The following DPY19L3 variants were observed in gnomAD, a reference collection of about 807,000 sequenced individuals.
DPY19L3 encodes the protein protein C-mannosyl-transferase DPY19L3.
A neutral mutation model predicts 92.3 loss-of-function variants in DPY19L3; 51 were observed. The observed-to-expected ratio is 0.55, with a 90% CI of 0.44 to 0.70. The LOEUF (loss-of-function observed/expected upper bound fraction) is 0.70, where lower values mean the gene tolerates loss of function less well. Ranked by LOEUF, DPY19L3 falls within the 30% of genes least tolerant of loss-of-function variation. DPY19L3 has a pLI of 0.00. For synonymous variants in DPY19L3, 309 were observed against 315.2 expected (o/e 0.98, Z 0.21); for missense variants, 706 against 855.9 (o/e 0.82, Z 2.18).
At chr19:32,439,077 T>G (rs371955608) in intron 6 of DPY19L3, 35 bp from the exon 7 acceptor site, 2 of 1,578,388 alleles carry the variant, frequency 1.3e-6, no homozygotes, top group Admixed American at 3.7e-5. Context: ...TTGTAAAAAC[T>G]ATCACTTTGG....
chr19:32,442,868 A>G (rs1455444902), intron 8 of DPY19L3, among the ~76,000 whole-genome samples: 3 of 152,194 alleles, frequency 2.0e-5, no homozygotes, highest in African/African-American at 7.2e-5. Context: ...GTCACTAGGC[A>G]TGCCTTGCTT....
rs2145395115 is a variant in DPY19L3 at position 32,411,276 on chromosome 19, G to A, written c.141G>A (p.Leu47=). The A allele has an allele frequency of 6.2e-7, 1 of 1,612,934 alleles. No homozygotes were observed. Among genetic ancestry groups the A allele is most frequent in the Non-Finnish European group, 8.5e-7 (1 of 1,179,942 alleles). ...TSRRLWKILS[L]TIGGTIALCI... is the part of the protein sequence containing the mutation. ...GAAGATTATGGAAGATTTTGTCATT[G>A]ACAATTGGTGGAACCATTGCCCTTT... Residue 47 remains leucine (L), a synonymous_variant, in exon 3 of 19, where the codon TTG becomes TTA. Coordinates refer to ENST00000392250, the MANE Select transcript of DPY19L3 (RefSeq NM_001172774.2).
intron 1 of DPY19L3, chr19:32,406,310 G>A (rs997685553): frequency 1.3e-5 from 2 of 152,350 alleles, no homozygotes; most frequent in Non-Finnish European, 2.9e-5. Context: ...TAGGTAAGCG[G>A]ACCCGGTGCC....
At chr19:32,475,082 A>G (rs1970466155) in intron 16 of DPY19L3, among the ~76,000 whole-genome samples, 1 of 152,190 alleles carries the variant, frequency 6.6e-6, no homozygotes, top group Non-Finnish European at 1.5e-5. Flanking sequence ...GCAGGCTGAA[A>G]CCTTAATCAT....
chr19:32,470,655 G>C (rs955668373), intron 16 of DPY19L3, among the ~76,000 whole-genome samples: 1 of 152,132 alleles, frequency 6.6e-6, no homozygotes, highest in Non-Finnish European at 1.5e-5. Flanking sequence ...GATGATTCCA[G>C]GTGTAAAGAA....
At chr19:32,462,651 A>T (rs779206167) in intron 12 of DPY19L3, among the ~76,000 whole-genome samples, 1 of 152,192 alleles carries the variant, frequency 6.6e-6, no homozygotes, top group Non-Finnish European at 1.5e-5. Flanking sequence ...ATTCTTCCAC[A>T]AACAAATGGC....
intron 1 of DPY19L3, among the ~76,000 whole-genome samples, chr19:32,407,272 A>C (rs7256222): frequency 0.69 from 60,705 of 88,140 alleles, 20,102 homozygotes; most frequent in African/African-American, 0.79. Context: ...GCTCCCCCCC[A>C]CCCATTACTC....
chr19:32,431,079 C>T (rs550204423), intron 3 of DPY19L3, among the ~76,000 whole-genome samples: 2 of 152,114 alleles, frequency 1.3e-5, no homozygotes, highest in Admixed American at 1.3e-4. Flanking sequence ...TGTGAATCTG[C>T]TATAATATGA....
chr19:32,453,028 A>G (rs1022748973), intron 8 of DPY19L3, 117 bp from the exon 9 acceptor site: 14 of 1,208,664 alleles, frequency 1.2e-5, no homozygotes, highest in African/African-American at 3.1e-5. Flanking sequence ...TCTTGAATCT[A>G]CATGTGTTTT....
At chr19:32,414,650 G>A (rs748848970) in intron 3 of DPY19L3, among the ~76,000 whole-genome samples, 8 of 151,758 alleles carry the variant, frequency 5.3e-5, no homozygotes, top group South Asian at 4.1e-4. Context: ...CATGTAGTGC[G>A]TATATATTAA....
chr19:32,447,812 T>TAGAC (rs1200146205), intron 8 of DPY19L3, among the ~76,000 whole-genome samples: 3 of 110,142 alleles, frequency 2.7e-5, no homozygotes, highest in African/African-American at 1.6e-4. Context: ...CATAGATAGA[T>TAGAC]AGATTAGATA....
At chr19:32,459,290 G>A (rs1201719293) in intron 12 of DPY19L3, among the ~76,000 whole-genome samples, 2 of 152,188 alleles carry the variant, frequency 1.3e-5, no homozygotes, top group African/African-American at 4.8e-5. Context: ...AGAAAATTAA[G>A]TGTAAGAAGT....
chr19:32,453,522 A>G (rs1025997538), intron 9 of DPY19L3, among the ~76,000 whole-genome samples: 11 of 152,186 alleles, frequency 7.2e-5, no homozygotes, highest in African/African-American at 2.7e-4. Flanking sequence ...TGTGGGGATC[A>G]GCCAAAGATG....
Position 32,405,872 on chromosome 19 carries a change from C to T in DPY19L3, c.-75C>T, listed in dbSNP as rs1004041673. 1 of 152,096 alleles carries T rather than the reference C, an allele frequency of 6.6e-6. No homozygotes were observed. The highest frequency in any genetic ancestry group is 1.5e-5 in the Non-Finnish European group (1 of 68,062). The allele number at this position is 152,096 out of a possible 1,614,324, so 9.4% of individuals were successfully genotyped here. ...CGCCTAGCCCCGTCGGCCTCCTTCC[C>T]CTCCCGGAGCCGCGCGTGAGGACGG... On this transcript the variant is annotated 5_prime_UTR_variant, in exon 1 of 19. Transcript: ENST00000392250.
chr19:32,441,783 C>T (rs1022776756), intron 8 of DPY19L3, among the ~76,000 whole-genome samples: 12 of 152,242 alleles, frequency 7.9e-5, no homozygotes, highest in Middle Eastern at 3.4e-3. Context: ...TAGGTGTGAG[C>T]CACTGTGCCC....
intron 16 of DPY19L3, among the ~76,000 whole-genome samples, chr19:32,469,489 C>T (rs1171059397): frequency 6.8e-6 from 1 of 147,998 alleles, no homozygotes; most frequent in Non-Finnish European, 1.5e-5. Context: ...GAGCAAGACT[C>T]TCTCTAAAAA....
At chr19:32,432,611 A>T in intron 3 of DPY19L3, 105 bp from the exon 4 acceptor site, 1 of 899,886 alleles carries the variant, frequency 1.1e-6, no homozygotes, top group South Asian at 1.7e-5. Flanking sequence ...ATATTTTCAG[A>T]GTTTTTTCTC....
At chr19:32,447,890 C>T (rs1969568936) in intron 8 of DPY19L3, among the ~76,000 whole-genome samples, 1 of 152,056 alleles carries the variant, frequency 6.6e-6, no homozygotes, top group African/African-American at 2.4e-5. Context: ...AGTAAAATTG[C>T]GAACCTTCTC....
intron 17 of DPY19L3, 95 bp downstream of exon 17, chr19:32,477,749 T>C: frequency 6.6e-7 from 1 of 1,509,680 alleles, no homozygotes. Context: ...TGCTGCACCC[T>C]CCAGCATTAG....
Sources: gnomAD v4.1 joint callset for allele counts (sites outside exome capture counted in the v4.1 genomes callset) on GRCh38, gnomAD v4.1.1 for gene constraint, MANE v1.5 for transcripts, NCBI Gene and HGNC (gene_info 2026-07-23, HGNC 2026-07-21) for gene names.